MSH3: variants seen among roughly 807,000 people sequenced by gnomAD.
The protein encoded by MSH3 is mutS homolog 3.
Under a neutral mutation model 123.3 loss-of-function variants are expected in MSH3, and 106 were observed. The observed-to-expected ratio is 0.86, with a 90% CI of 0.73 to 1.01. The LOEUF is 1.01. Ranked by LOEUF, MSH3 falls within the 50% of genes least tolerant of loss-of-function variation. The pLI is 0.00. For synonymous variants in MSH3, 515 were observed against 481.4 expected (o/e 1.07, Z -0.91); for missense variants, 1,459 against 1,347.6 (o/e 1.08, Z -1.29).
intron 1 of MSH3, chr5:80,655,199 A>T (rs1447672458): frequency 1.8e-5 from 7 of 388,224 alleles, no homozygotes; most frequent in Non-Finnish European, 3.2e-5. Flanking sequence ...TTTTAATGGC[A>T]GGCCTGAGAC....
At chr5:80,863,392 C>T (rs1028665042) in intron 21 of MSH3, among the ~76,000 whole-genome samples, 9 of 151,908 alleles carry the variant, frequency 5.9e-5, no homozygotes, top group Non-Finnish European at 1.3e-4. Context: ...TTGGTTTGGC[C>T]GGGTGCAGTG....
intron 17 of MSH3, among the ~76,000 whole-genome samples, chr5:80,779,519 T>C (rs1417736552): frequency 1.3e-5 from 2 of 151,856 alleles, no homozygotes; most frequent in Admixed American, 6.6e-5. Flanking sequence ...TTAACACCAT[T>C]TATTATTACA....
chr5:80,671,811 C>T (rs983591007), intron 4 of MSH3, among the ~76,000 whole-genome samples: 3 of 152,162 alleles, frequency 2.0e-5, no homozygotes, highest in Admixed American at 2.0e-4. Context: ...TCTCTTTTTA[C>T]TTTTTCAATG....
At chr5:80,707,548 C>A (rs1750750975) in intron 8 of MSH3, among the ~76,000 whole-genome samples, 1 of 150,680 alleles carries the variant, frequency 6.6e-6, no homozygotes, top group Non-Finnish European at 1.5e-5. Context: ...CATAGTGAGA[C>A]CCTGGCTCTA....
At chr5:80,658,773 A>T (rs1264881493) in intron 2 of MSH3, among the ~76,000 whole-genome samples, 1 of 131,578 alleles carries the variant, frequency 7.6e-6, no homozygotes, top group Non-Finnish European at 1.7e-5. Context: ...AAATATATAT[A>T]TTTTTTTAGA....
At chr5:80,718,022 A>G (rs1016022611) in intron 8 of MSH3, among the ~76,000 whole-genome samples, 2 of 152,222 alleles carry the variant, frequency 1.3e-5, no homozygotes, top group Admixed American at 1.3e-4. Flanking sequence ...ATTTGAAAAA[A>G]TTAAAATATG....
chr5:80,760,706 T>C (rs917952310), intron 12 of MSH3, among the ~76,000 whole-genome samples: 29 of 152,326 alleles, frequency 1.9e-4, no homozygotes, highest in Admixed American at 5.9e-4. Flanking sequence ...ATAAGTTCAA[T>C]TGGTAACAGA....
intron 15 of MSH3, among the ~76,000 whole-genome samples, chr5:80,774,751 G>A (rs1475065712): frequency 3.3e-5 from 5 of 152,084 alleles, no homozygotes; most frequent in Non-Finnish European, 7.4e-5. Context: ...ACTTGTGGGA[G>A]CTAAAAATTA....
chr5:80,692,222 T>TTATA (rs1554068257), intron 8 of MSH3, among the ~76,000 whole-genome samples: 99 of 49,956 alleles, frequency 2.0e-3, no homozygotes, highest in South Asian at 3.6e-3. Context: ...ATGTATATGT[T>TTATA]TAGATAGATA....
intron 20 of MSH3, among the ~76,000 whole-genome samples, chr5:80,824,787 T>C (rs192019824): frequency 6.6e-6 from 1 of 152,324 alleles, no homozygotes; most frequent in Admixed American, 6.5e-5. Flanking sequence ...TGTTTCCTAA[T>C]ATGTGGGAGA....
intron 12 of MSH3, among the ~76,000 whole-genome samples, chr5:80,748,715 CACA>C (rs2112871722): frequency 6.6e-6 from 1 of 151,502 alleles, no homozygotes; most frequent in South Asian, 2.1e-4. Flanking sequence ...CACACACACA[CACA>C]CACACACACA....
At chr5:80,851,630 T>C (rs2112103455) in intron 20 of MSH3, among the ~76,000 whole-genome samples, 1 of 152,336 alleles carries the variant, frequency 6.6e-6, no homozygotes, top group South Asian at 2.1e-4. Context: ...GCTAAATATA[T>C]GTTTTGATGA....
chr5:80,834,272 G>A (rs757590030), intron 20 of MSH3, among the ~76,000 whole-genome samples: 6 of 151,826 alleles, frequency 4.0e-5, no homozygotes, highest in African/African-American at 7.3e-5. Context: ...AATAGTCCTG[G>A]GTTCTTAACC....
intron 23 of MSH3, among the ~76,000 whole-genome samples, chr5:80,874,244 C>T (rs1746269693): frequency 6.6e-6 from 1 of 152,018 alleles, no homozygotes; most frequent in African/African-American, 2.4e-5. Flanking sequence ...ACTTGTTTAC[C>T]AAAGTACAGT....
Position 80,768,979 on chromosome 5 carries a change from A to G in MSH3, c.2229A>G (p.Gln743=), listed in dbSNP as rs142338243. 1.4e-5 allele frequency: 23 copies of G among 1,612,886 alleles called. No homozygotes were observed. The African/African-American group carries it at 1.7e-4, about 12-fold the overall frequency. ...IRKILKNPSA[Q]YVTVSGQEFM... ...AAATACTAAAAAATCCTTCTGCACA[A>G]TATGTGACAGTATCAGGACAGGAGG... The change falls in exon 15 of 24, where the codon CAA becomes CAG. Residue 743 remains glutamine, a synonymous_variant. Transcript: ENST00000265081.
chr5:80,763,603 T>C (rs1484404713), intron 13 of MSH3, among the ~76,000 whole-genome samples: 1 of 152,218 alleles, frequency 6.6e-6, no homozygotes, highest in Non-Finnish European at 1.5e-5. Context: ...CCTTAACTAC[T>C]TCAAAGGATT....
At chr5:80,761,473 G>T in intron 12 of MSH3, 73 bp from the exon 13 acceptor site, 1 of 1,559,122 alleles carries the variant, frequency 6.4e-7, no homozygotes, top group African/African-American at 1.4e-5. Context: ...ACATTCCTGG[G>T]CATTAGAGTG....
rs6151718 is a variant in MSH3 at position 80,721,755 on chromosome 5, A to C, written c.1341-3698A>C. Among the ~76,000 whole-genome samples the C allele has an allele frequency of 9.0e-3, 1,371 of 152,342 alleles. 13 individuals carry two copies. The highest frequency in any genetic ancestry group is 0.031 in the African/African-American group (1,305 of 41,564). On this transcript the variant is annotated intron_variant, in intron 8 of 23. Transcript: ENST00000265081. ...AAACTATGCTTGAATCTAACAAAAAACAACAATTATTTCAATAAAATATTA... is the reference window on the plus strand; with the variant it reads ...AAACTATGCTTGAATCTAACAAAAACCAACAATTATTTCAATAAAATATTA...
At chr5:80,855,345 A>G (rs1745897702) in intron 21 of MSH3, among the ~76,000 whole-genome samples, 1 of 151,902 alleles carries the variant, frequency 6.6e-6, no homozygotes, top group South Asian at 2.1e-4. Context: ...TATTTTTAAT[A>G]TTTCTTTTCA....
Sources: gnomAD v4.1 joint callset for allele counts (sites outside exome capture counted in the v4.1 genomes callset) on GRCh38, gnomAD v4.1.1 for gene constraint, MANE v1.5 for transcripts, NCBI Gene and HGNC (gene_info 2026-07-23, HGNC 2026-07-21) for gene names.